NEDD4L: variants seen among roughly 807,000 people sequenced by gnomAD.
The protein encoded by NEDD4L is E3 ubiquitin-protein ligase NEDD4-like.
A neutral mutation model predicts 148.9 loss-of-function variants in NEDD4L; 54 were observed. That is an observed-to-expected ratio of 0.36 (90% confidence interval 0.29 to 0.45). The LOEUF (loss-of-function observed/expected upper bound fraction) is 0.45, where lower values mean the gene tolerates loss of function less well. Among genes scored for constraint, NEDD4L ranks in the 20% least tolerant of loss-of-function variants. The probability of loss-of-function intolerance (pLI) is 1.00; values close to 1 mark genes in which losing one functional copy is unlikely to be tolerated. For missense variants in NEDD4L, 856 were observed against 1,233.8 expected, an observed-to-expected ratio of 0.69 and a Z score of 4.59; for synonymous variants, 433 against 440.7, an observed-to-expected ratio of 0.98 and a Z score of 0.22.
At chr18:58,057,193 C>T (rs2082125238) in intron 1 of NEDD4L, among the ~76,000 whole-genome samples, 1 of 151,870 alleles carries the variant, frequency 6.6e-6, no homozygotes, top group Non-Finnish European at 1.5e-5. Context: ...AGGGAGGTGA[C>T]CCGAATATGC....
At chr18:58,363,854 T>C (rs1406598504) in intron 19 of NEDD4L, among the ~76,000 whole-genome samples, 1 of 152,234 alleles carries the variant, frequency 6.6e-6, no homozygotes, top group Non-Finnish European at 1.5e-5. Flanking sequence ...TAAACCGTAA[T>C]TAGACTTTTC....
intron 11 of NEDD4L, among the ~76,000 whole-genome samples, chr18:58,333,142 G>A (rs2041232600): frequency 6.6e-6 from 1 of 151,984 alleles, no homozygotes; most frequent in South Asian, 2.1e-4. Flanking sequence ...GCCAAGTGTG[G>A]TGGGGGGGGC....
chr18:58,206,811 C>A (rs1356211637), intron 2 of NEDD4L, among the ~76,000 whole-genome samples: 1 of 152,198 alleles, frequency 6.6e-6, no homozygotes, highest in Non-Finnish European at 1.5e-5. Flanking sequence ...TCCTTGACCT[C>A]ATTGGGCAAA....
chr18:58,062,075 A>T (rs1279424063), intron 1 of NEDD4L, among the ~76,000 whole-genome samples: 1 of 152,182 alleles, frequency 6.6e-6, no homozygotes, highest in Non-Finnish European at 1.5e-5. Context: ...TTTCAAAGTT[A>T]TATGTGTATT....
At chr18:58,051,101 A>G (rs1477645757) in intron 1 of NEDD4L, among the ~76,000 whole-genome samples, 8 of 152,184 alleles carry the variant, frequency 5.3e-5, no homozygotes, top group Non-Finnish European at 1.2e-4. Context: ...TACAAAAAAT[A>G]CAAAAACTTA....
At chr18:58,066,974 C>A (rs1044073101) in intron 1 of NEDD4L, among the ~76,000 whole-genome samples, 1 of 152,154 alleles carries the variant, frequency 6.6e-6, no homozygotes, top group Non-Finnish European at 1.5e-5. Flanking sequence ...GGACACAAAT[C>A]TAAACCATAT....
intron 2 of NEDD4L, among the ~76,000 whole-genome samples, chr18:58,242,681 T>G (rs1300750980): frequency 2.6e-5 from 4 of 152,096 alleles, no homozygotes; most frequent in Non-Finnish European, 5.9e-5. Context: ...TTTTTTGTAT[T>G]TTTTTGTAGA....
At chr18:58,147,802 C>T (rs1208142311) in intron 1 of NEDD4L, among the ~76,000 whole-genome samples, 1 of 152,138 alleles carries the variant, frequency 6.6e-6, no homozygotes, top group Non-Finnish European at 1.5e-5. Context: ...TTTGAATGCC[C>T]TTTTCATGCC....
intron 18 of NEDD4L, among the ~76,000 whole-genome samples, chr18:58,354,336 C>G (rs1034090367): frequency 5.9e-5 from 9 of 152,070 alleles, no homozygotes; most frequent in African/African-American, 2.2e-4. Flanking sequence ...CTTACTAGAC[C>G]TGTTCATCGT....
At chr18:58,266,953 G>C (rs979395610) in intron 5 of NEDD4L, among the ~76,000 whole-genome samples, 9 of 152,036 alleles carry the variant, frequency 5.9e-5, no homozygotes, top group African/African-American at 2.2e-4. Flanking sequence ...AGATAGAAAT[G>C]TTTTAAGATT....
chr18:58,150,841 TG>T (rs377032628), intron 1 of NEDD4L, among the ~76,000 whole-genome samples: 229 of 152,102 alleles, frequency 1.5e-3, no homozygotes, highest in African/African-American at 5.3e-3. Flanking sequence ...TTTTCCATAC[TG>T]GGGGCCTTGG....
intron 2 of NEDD4L, among the ~76,000 whole-genome samples, chr18:58,218,773 A>G (rs1391701043): frequency 1.3e-5 from 2 of 152,224 alleles, no homozygotes; most frequent in African/African-American, 4.8e-5. Flanking sequence ...GAACCTGGCC[A>G]TCTTCCATGG....
intron 1 of NEDD4L, among the ~76,000 whole-genome samples, chr18:58,127,755 GGTGTGAACACGGGAGGCGGA>G (rs1416259975): frequency 2.3e-4 from 35 of 151,414 alleles, no homozygotes; most frequent in Non-Finnish European, 4.1e-4. Flanking sequence ...GCAGGAGAAT[GGTGTGAACACGGGAGGCGGA>G]GTTTGCAGTG....
At chr18:58,357,518 G>A (rs2044845337) in intron 19 of NEDD4L, 1 of 625,166 alleles carries the variant, frequency 1.6e-6, no homozygotes, top group African/African-American at 1.8e-5. Flanking sequence ...TTATAAAAGG[G>A]TGGACTATAA....
At chr18:58,201,719 AT>A (rs1243970647) in intron 2 of NEDD4L, among the ~76,000 whole-genome samples, 1 of 152,176 alleles carries the variant, frequency 6.6e-6, no homozygotes, top group East Asian at 1.9e-4. Context: ...TTCTGGGATT[AT>A]CCCTCCTCCA....
chr18:58,125,484 G>A (rs2030893660), intron 1 of NEDD4L, among the ~76,000 whole-genome samples: 1 of 152,060 alleles, frequency 6.6e-6, no homozygotes, highest in Non-Finnish European at 1.5e-5. Flanking sequence ...TCAGAGCGAT[G>A]TGTTCATGGT....
At chr18:58,134,747 C>G (rs1230452262) in intron 1 of NEDD4L, among the ~76,000 whole-genome samples, 1 of 148,758 alleles carries the variant, frequency 6.7e-6, no homozygotes, top group African/African-American at 2.5e-5. Context: ...AATCTTTTTT[C>G]TTTTGTCTTC....
chr18:58,044,403 G>A lies in NEDD4L; in HGVS notation c.-258G>A, dbSNP rs1243841903. ...GCGCGCAGTGAGAGGCGCCGGGGCTGCCGCCCGGTGCTCGGCGCGCTCTCG... is the reference window on the plus strand; with the variant it reads ...GCGCGCAGTGAGAGGCGCCGGGGCTACCGCCCGGTGCTCGGCGCGCTCTCG... On this transcript the variant is annotated 5_prime_UTR_variant, in exon 1 of 31. Transcript: ENST00000400345. The A allele has an allele frequency of 7.8e-6, 2 of 255,824 alleles. No homozygotes were observed. Among genetic ancestry groups the A allele is most frequent in the Non-Finnish European group, 1.4e-5 (2 of 139,638 alleles). 15.8% of individuals were successfully genotyped at this position (255,824 alleles called of 1,614,324 possible).
intron 2 of NEDD4L, among the ~76,000 whole-genome samples, chr18:58,184,203 G>A (rs2147048614): frequency 6.6e-6 from 1 of 152,296 alleles, no homozygotes; most frequent in East Asian, 1.9e-4. Flanking sequence ...GAATGAGGGT[G>A]TCCTGGTAGG....
Sources: allele counts gnomAD v4.1 joint callset (sites outside exome capture counted in the v4.1 genomes callset), GRCh38; gene constraint gnomAD v4.1.1; transcripts MANE v1.5; gene names NCBI Gene and HGNC (gene_info 2026-07-23, HGNC 2026-07-21).